The following RBAK variants were observed in gnomAD, a reference collection of about 807,000 sequenced individuals.
RBAK encodes RB-associated KRAB zinc finger protein.
In RBAK, 39 loss-of-function variants were observed where a neutral mutation model predicts 65.8. The observed-to-expected ratio is 0.59, with a 90% confidence interval of 0.46 to 0.77. The LOEUF is 0.77. Ranked by LOEUF, RBAK falls within the 30% of genes least tolerant of loss-of-function variation. RBAK has a pLI of 0.00. For missense variants in RBAK, 884 were observed against 855.1 expected, an observed-to-expected ratio of 1.03 and a Z score of -0.42; for synonymous variants, 343 against 289.7, an observed-to-expected ratio of 1.18 and a Z score of -1.87.
At chr7:5,057,250 A>G in intron 2 of RBAK, 45 bp from the exon 3 acceptor site, 1 of 1,613,774 alleles carries the variant, frequency 6.2e-7, no homozygotes, top group Non-Finnish European at 8.5e-7. Context: ...TTATCCCCCT[A>G]TCCCTTTTCC....
intron 4 of RBAK, among the ~76,000 whole-genome samples, chr7:5,058,945 G>C (rs1779003650): frequency 6.6e-6 from 1 of 152,180 alleles, no homozygotes; most frequent in African/African-American, 2.4e-5. Flanking sequence ...CTGGAGTCTA[G>C]TTGAATATTT....
rs536503752 is a variant in RBAK, at chr7:5,056,091, G to A, written c.16-1204G>A. On this transcript the variant is annotated intron_variant, in intron 2 of 4. Coordinates refer to ENST00000396912, the MANE Select transcript of RBAK (RefSeq NM_021163.4). ...GCAGGTGGATTGCTGGAGCCCAGGAGTTTTGCATTTTTCTTTTTTTTTTTT... is the reference window on the plus strand; with the variant it reads ...GCAGGTGGATTGCTGGAGCCCAGGAATTTTGCATTTTTCTTTTTTTTTTTT... 2.1e-5 allele frequency among the ~76,000 whole-genome samples: 3 copies of A among 145,176 alleles called. No individual in the cohort carries two copies. In the East Asian group the frequency reaches 6.2e-4, roughly 30 times the overall value.
intron 4 of RBAK, among the ~76,000 whole-genome samples, chr7:5,063,390 A>C (rs904990683): frequency 6.6e-6 from 1 of 152,224 alleles, no homozygotes. Context: ...AGTTTGAAAC[A>C]TAATATTTGT....
At chr7:5,062,885 G>C (rs1451062657) in intron 4 of RBAK, among the ~76,000 whole-genome samples, 1 of 152,218 alleles carries the variant, frequency 6.6e-6, no homozygotes, top group Admixed American at 6.5e-5. Flanking sequence ...CCGGCAGTCA[G>C]AGTTTAAGGT....
At position 5,065,825 on chromosome 7, in the gene RBAK, A is replaced by G; in HGVS notation, c.*224A>G. 1 of 351,550 alleles carries G rather than the reference A, an allele frequency of 2.8e-6. No individual in the cohort carries two copies. The highest frequency in any genetic ancestry group is 5.1e-6 in the Non-Finnish European group (1 of 197,408). The allele number at this position is 351,550 out of a possible 1,614,324, so 21.8% of individuals were successfully genotyped here. A position where few individuals can be genotyped will look rare whatever the true frequency, so the allele number is the denominator to read the frequency against. ...CGACTCATCGGACACTAATTTATATAGGAGTGAAGTTTTATAAATATTTAA... is the reference window on the plus strand; with the variant it reads ...CGACTCATCGGACACTAATTTATATGGGAGTGAAGTTTTATAAATATTTAA... On this transcript the variant is annotated 3_prime_UTR_variant, in exon 5 of 5. Coordinates refer to ENST00000396912, the MANE Select transcript of RBAK (RefSeq NM_021163.4). This position sits in a 1 kb window ranked among gnomAD's most constrained non-coding sequence, Gnocchi z 5.3.
chr7:5,058,111 G>C (rs1323785917), intron 4 of RBAK, among the ~76,000 whole-genome samples: 9 of 152,064 alleles, frequency 5.9e-5, no homozygotes, highest in Non-Finnish European at 1.2e-4. Context: ...ATCTTGTTCT[G>C]TCACCCAAGC....
At chr7:5,062,227 G>A (rs77684954) in intron 4 of RBAK, among the ~76,000 whole-genome samples, 8,638 of 152,168 alleles carry the variant, frequency 0.057, 317 homozygotes, top group East Asian at 0.13. Flanking sequence ...CATTTGTATC[G>A]GGGAACCTGC....
Position 5,050,525 on chromosome 7 carries a change from C to T in RBAK, c.15+2434C>T, listed in dbSNP as rs114987533. On this transcript the variant is annotated intron_variant, in intron 2 of 4. Coordinates refer to ENST00000396912, the MANE Select transcript of RBAK (RefSeq NM_021163.4). Reference sequence around the variant, plus strand: ...TGATTTACTAGTTCATTAGGGGAGGCAAAATGGTGATGTGCTAATTCTACC... The same window carrying T: ...TGATTTACTAGTTCATTAGGGGAGGTAAAATGGTGATGTGCTAATTCTACC... Among the ~76,000 whole-genome samples the T allele has an allele frequency of 6.4e-3, 973 of 152,252 alleles. 11 individuals are homozygous for T. The highest frequency in any genetic ancestry group is 0.022 in the African/African-American group (926 of 41,554).
Position 5,068,865 on chromosome 7 carries a change from G to A in RBAK, c.*3264G>A, listed in dbSNP as rs991466876. 1 of 152,210 alleles carries A rather than the reference G, an allele frequency of 6.6e-6. No individual in the cohort carries two copies. Among genetic ancestry groups the A allele is most frequent in the Non-Finnish European group, 1.5e-5 (1 of 68,034 alleles). The allele number at this position is 152,210 out of a possible 1,614,324, so 9.4% of individuals were successfully genotyped here. On this transcript the variant is annotated 3_prime_UTR_variant, in exon 5 of 5. Transcript: ENST00000396912. ...GAGCATGAATGAACTAGAAGTCCGT[G>A]TAATAACGCAGCTGAATTTAACAAA...
In RBAK at chr7:5,068,830, G is replaced by A. The variant is rs1156662044; in HGVS notation, c.*3229G>A. ...AAGTGGCATATGTCCATGGAATACTGTAAAACAGTGAGCATGAATGAACTA... is the reference window on the plus strand; with the variant it reads ...AAGTGGCATATGTCCATGGAATACTATAAAACAGTGAGCATGAATGAACTA... On this transcript the variant is annotated 3_prime_UTR_variant, in exon 5 of 5. Coordinates refer to ENST00000396912, the MANE Select transcript of RBAK (RefSeq NM_021163.4). 2 of 152,186 alleles carry A rather than the reference G, an allele frequency of 1.3e-5. No individual in the cohort carries two copies. The highest frequency in any genetic ancestry group is 4.8e-5 in the African/African-American group (2 of 41,454). 9.4% of individuals were successfully genotyped at this position (152,186 alleles called of 1,614,324 possible).
chr7:5,064,142 G>A lies in RBAK; in HGVS notation c.686G>A (p.Gly229Glu), dbSNP rs35352738. The A allele has an allele frequency of 7.3e-3, 11,703 of 1,613,878 alleles. 728 individuals carry two copies. In the African/African-American group the frequency reaches 0.13, roughly 18 times the overall value. The part of the protein sequence containing the change: ...VFIAHKRAYI[G>E]EKPYEWNDSG... ...ATTGCTCATAAGAGAGCTTACATAG[G>A]GGAGAAGCCCTATGAGTGGAATGAT... is the stretch of plus-strand genomic sequence containing the variant. Residue 229 changes from glycine (G) to glutamate (E), a missense_variant, in exon 5 of 5, where the codon GGG (glycine) becomes GAG (glutamate). Gly to Glu is a moderately conservative substitution (Grantham distance 98). Transcript: ENST00000396912. This position sits in a 1 kb window ranked among gnomAD's most constrained non-coding sequence, Gnocchi z 6.3.
At chr7:5,049,896 T>G (rs1685712065) in intron 2 of RBAK, among the ~76,000 whole-genome samples, 1 of 152,084 alleles carries the variant, frequency 6.6e-6, no homozygotes, top group South Asian at 2.1e-4. Context: ...TTTTTTATAT[T>G]TTAGTAGAGA....
Position 5,048,552 on chromosome 7 carries a change from A to G in RBAK, c.15+461A>G, listed in dbSNP as rs549541525. On this transcript the variant is annotated intron_variant, in intron 2 of 4. Transcript: ENST00000396912. The surrounding 1 kb of genome is among the most constrained non-coding windows in gnomAD (Gnocchi z 4.4). The stretch of plus-strand genomic sequence containing the variant: ...TAGTTAGTGTGGCAGATCAGCACCA[A>G]AAATGATTTGTGAAGCTTGTATGTG... Among the ~76,000 whole-genome samples, 96 of 152,368 alleles carry G rather than the reference A, an allele frequency of 6.3e-4. No homozygotes were observed. Among genetic ancestry groups the G allele is most frequent in the Non-Finnish European group, 1.2e-3 (84 of 68,042 alleles).
In RBAK at chr7:5,057,388, A is replaced by G; in HGVS notation, c.109A>G (p.Met37Val). Reference protein sequence around the residue: ...PDEKITYRDVMLENYSHLVSV... With the variant: ...PDEKITYRDVVLENYSHLVSV... ...TGAGAAGATAACTTACAGGGATGTG[A>G]TGTTGGAGAACTATAGCCATCTAGT... The change falls in exon 3 of 5, where the codon ATG (methionine) becomes GTG (valine). Residue 37 changes from methionine to valine, a missense_variant. Met to Val is a conservative substitution (Grantham distance 21). Coordinates refer to ENST00000396912, the MANE Select transcript of RBAK (RefSeq NM_021163.4). 6.2e-7 allele frequency: 1 copy of G among 1,614,116 alleles called. No homozygotes were observed.
chr7:5,048,233 C>T lies in RBAK; in HGVS notation c.15+142C>T, dbSNP rs138611540. ...TGTTGCCCAGGCTGGAGTGCAGTGG[C>T]ATGATCTCGCTTCACTGCAACCTCC... is the stretch of plus-strand genomic sequence containing the variant. On this transcript the variant is annotated intron_variant, in intron 2 of 4. Transcript: ENST00000396912. This position sits in a 1 kb window ranked among gnomAD's most constrained non-coding sequence, Gnocchi z 4.4. 8.3e-3 allele frequency: 9,436 copies of T among 1,135,612 alleles called. 626 individuals are homozygous for T. In the African/African-American group the frequency reaches 0.13, roughly 16 times the overall value. 70.3% of individuals were successfully genotyped at this position (1,135,612 alleles called of 1,614,324 possible).
chr7:5,045,954 TGG>T lies in RBAK; in HGVS notation c.-486_-485del. ...ACGAGAATCGCGGAGCCTGCGGGGCTGGAGGTTGAGCGCCCGGGCCAGCACCT... is the reference window on the plus strand; with the variant it reads ...ACGAGAATCGCGGAGCCTGCGGGGCTAGGTTGAGCGCCCGGGCCAGCACCT... On this transcript the variant is annotated 5_prime_UTR_variant, in exon 1 of 5. Coordinates refer to ENST00000396912, the MANE Select transcript of RBAK (RefSeq NM_021163.4). 1 of 325,810 alleles carries T rather than the reference TGG, an allele frequency of 3.1e-6. No homozygotes were observed. Among genetic ancestry groups the T allele is most frequent in the Non-Finnish European group, 5.8e-6 (1 of 173,420 alleles). 20.2% of individuals were successfully genotyped at this position (325,810 alleles called of 1,614,324 possible).
Position 5,056,198 on chromosome 7 carries a change from C to T in RBAK, c.16-1097C>T, listed in dbSNP as rs182851283. Among the ~76,000 whole-genome samples, 808 of 150,710 alleles carry T rather than the reference C, an allele frequency of 5.4e-3. 35 individuals are homozygous for T. Among genetic ancestry groups the T allele is most frequent in the Admixed American group, 0.044 (658 of 15,072 alleles). The stretch of plus-strand genomic sequence containing the variant: ...TCACAGCTCACTGCAGCCTTGACCT[C>T]CCAGGCTCAAGTGATCCTCCTGCCT... On this transcript the variant is annotated intron_variant, in intron 2 of 4. Transcript: ENST00000396912.
Position 5,064,344 on chromosome 7 carries a change from A to G in RBAK, c.888A>G (p.Lys296=), listed in dbSNP as rs1242358407. The G allele has an allele frequency of 1.2e-6, 2 of 1,614,118 alleles. No individual in the cohort carries two copies. The highest frequency in any genetic ancestry group is 3.3e-5 in the Admixed American group (2 of 60,010). The change falls in exon 5 of 5, where the codon AAA becomes AAG. Residue 296 remains lysine, a synonymous_variant. Transcript: ENST00000396912. The surrounding 1 kb of genome is among the most constrained non-coding windows in gnomAD (Gnocchi z 6.3). ...CTTATGAATGTAATGTATGTGGGAA[A>G]TCCTTCAGCCAAAAGGGAACCCTCA... ...EKPYECNVCG[K]SFSQKGTLTV...
At chr7:5,054,174 A>C (rs770205166) in intron 2 of RBAK, among the ~76,000 whole-genome samples, 1 of 152,142 alleles carries the variant, frequency 6.6e-6, no homozygotes, top group African/African-American at 2.4e-5. Context: ...TGGGAGGCCA[A>C]GGAGGGCAGA....
Sources: allele counts gnomAD v4.1 joint callset (sites outside exome capture counted in the v4.1 genomes callset), GRCh38; gene constraint gnomAD v4.1.1; non-coding constraint Gnocchi (gnomAD v3.1); transcripts MANE v1.5; gene names NCBI Gene and HGNC (gene_info 2026-07-23, HGNC 2026-07-21).